The following LTBP1 variants were observed in gnomAD, a reference collection of about 807,000 sequenced individuals.
LTBP1 encodes latent-transforming growth factor beta-binding protein 1.
LTBP1 carries 129 observed loss-of-function variants against 207.6 expected under a neutral mutation model. The ratio of observed to expected loss-of-function variants is 0.62; its 90% CI spans 0.54 to 0.72. The LOEUF (loss-of-function observed/expected upper bound fraction) is 0.72, where lower values mean the gene tolerates loss of function less well. LTBP1 is among the 30% of genes least tolerant of loss of function. The probability of loss-of-function intolerance (pLI) is 0.00; values close to 1 mark genes in which losing one functional copy is unlikely to be tolerated. For synonymous variants in LTBP1, 963 were observed against 833.7 expected, an observed-to-expected ratio of 1.16 and a Z score of -2.67; for missense variants, 2,281 against 2,217.2, an observed-to-expected ratio of 1.03 and a Z score of -0.58.
chr2:33,247,805 A>G (rs138207484), intron 10 of LTBP1, among the ~76,000 whole-genome samples: 2 of 152,358 alleles, frequency 1.3e-5, no homozygotes, highest in East Asian at 3.9e-4. Context: ...ACATGTGGCT[A>G]GTGCCTAACA....
chr2:33,035,488 G>C (rs2075877723), intron 3 of LTBP1, among the ~76,000 whole-genome samples: 1 of 152,194 alleles, frequency 6.6e-6, no homozygotes, highest in Non-Finnish European at 1.5e-5. Flanking sequence ...GCTTGAAATG[G>C]GAGTGATGGT....
At chr2:33,377,572 T>C (rs1389724327) in intron 31 of LTBP1, among the ~76,000 whole-genome samples, 2 of 152,188 alleles carry the variant, frequency 1.3e-5, no homozygotes. Flanking sequence ...AAAATAAATT[T>C]CATTATGATA....
chr2:33,050,558 A>G (rs1158455190), intron 3 of LTBP1, among the ~76,000 whole-genome samples: 2 of 152,124 alleles, frequency 1.3e-5, no homozygotes, highest in African/African-American at 2.4e-5. Context: ...CTTTAAAAAA[A>G]ATAGGAGAGG....
chr2:33,020,198 T>C (rs2075094790), intron 2 of LTBP1, among the ~76,000 whole-genome samples: 1 of 152,204 alleles, frequency 6.6e-6, no homozygotes, highest in South Asian at 2.1e-4. Flanking sequence ...TCAACCTTTC[T>C]GCCCTTGGTT....
chr2:33,079,894 C>T (rs183061005), intron 3 of LTBP1, among the ~76,000 whole-genome samples: 40 of 152,202 alleles, frequency 2.6e-4, no homozygotes, highest in African/African-American at 8.2e-4. Flanking sequence ...CTTCTTTACT[C>T]CTTTTGACTT....
chr2:33,202,954 G>C (rs574332998), intron 7 of LTBP1, among the ~76,000 whole-genome samples: 6 of 152,352 alleles, frequency 3.9e-5, no homozygotes, highest in African/African-American at 1.4e-4. Flanking sequence ...TGGCTTCCTT[G>C]AGGTGGAATA....
intron 5 of LTBP1, among the ~76,000 whole-genome samples, chr2:33,168,589 G>A (rs1462769822): frequency 1.5e-4 from 23 of 152,118 alleles, no homozygotes; most frequent in Non-Finnish European, 2.5e-4. Context: ...CCCACCAGAG[G>A]CCAGGAGTCC....
intron 2 of LTBP1, among the ~76,000 whole-genome samples, chr2:32,956,879 G>A (rs971062181): frequency 1.3e-5 from 2 of 152,198 alleles, no homozygotes; most frequent in African/African-American, 2.4e-5. Flanking sequence ...TAGCAGGCAT[G>A]AAAATGACGT....
chr2:33,354,719 CACACA>C (rs1559058154), intron 26 of LTBP1, among the ~76,000 whole-genome samples: 8 of 145,840 alleles, frequency 5.5e-5, no homozygotes, highest in African/African-American at 2.0e-4. Flanking sequence ...CACACACACA[CACACA>C]CACACCATTG....
intron 12 of LTBP1, among the ~76,000 whole-genome samples, chr2:33,258,175 A>T (rs941579845): frequency 2.0e-5 from 3 of 152,244 alleles, no homozygotes; most frequent in Non-Finnish European, 2.9e-5. Context: ...TCTCTCTGGC[A>T]TTCAGGCTGT....
intron 5 of LTBP1, 139 bp downstream of exon 5, chr2:33,135,099 G>T: frequency 2.2e-6 from 2 of 901,064 alleles, no homozygotes; most frequent in South Asian, 2.2e-5. Context: ...TTCTTTCATG[G>T]GATCTTTTAA....
chr2:33,375,114 G>A (rs1340305425), intron 31 of LTBP1, among the ~76,000 whole-genome samples: 7 of 152,284 alleles, frequency 4.6e-5, no homozygotes, highest in South Asian at 2.1e-4. Flanking sequence ...AATGTGATCC[G>A]TATGTTAATT....
At chr2:33,191,721 A>T (rs1288081507) in intron 7 of LTBP1, among the ~76,000 whole-genome samples, 2 of 152,238 alleles carry the variant, frequency 1.3e-5, no homozygotes, top group Non-Finnish European at 2.9e-5. Flanking sequence ...CAGATAATCC[A>T]AAACAAAAAC....
intron 3 of LTBP1, among the ~76,000 whole-genome samples, chr2:33,097,095 T>C (rs2079440816): frequency 6.6e-6 from 1 of 152,230 alleles, no homozygotes; most frequent in African/African-American, 2.4e-5. Context: ...ACAGGTTCTA[T>C]AGAATCATAT....
chr2:33,363,942 C>G (rs376244543), intron 29 of LTBP1, among the ~76,000 whole-genome samples: 13 of 152,246 alleles, frequency 8.5e-5, no homozygotes, highest in East Asian at 7.7e-4. Context: ...TCATAAAGAG[C>G]CATTTAATCT....
chr2:33,323,346 A>G (rs1242179172), intron 24 of LTBP1, among the ~76,000 whole-genome samples: 1 of 152,142 alleles, frequency 6.6e-6, no homozygotes, highest in East Asian at 1.9e-4. Context: ...TTCATAAAGT[A>G]AAAAAATCGA....
chr2:32,951,711 GA>G lies in LTBP1; in HGVS notation c.565+2774del, dbSNP rs546879837. Among the ~76,000 whole-genome samples the G allele has an allele frequency of 5.3e-5, 8 of 151,908 alleles. No homozygotes were observed. In the East Asian group the frequency reaches 7.7e-4, roughly 15 times the overall value. On this transcript the variant is annotated intron_variant, in intron 2 of 33. Transcript: ENST00000404816. ...ATAGGATGGTTGCAGGTATTAAGAT[GA>G]AAAAAAATGGGTATGAAAGCCTTGG... is the stretch of plus-strand genomic sequence containing the variant.
rs1413969528 is a variant in LTBP1 at position 33,110,678 on chromosome 2, T to A, written c.960T>A (p.Ile320=). The stretch of plus-strand genomic sequence containing the variant: ...AGTACTTTCCAGCCCAGAAGGGGAT[T>A]TCAGGAGAGCAGTCCACTGAAGGTT... ...KPKYFPAQKG[I]SGEQSTEGSF... is the part of the protein sequence containing the mutation. Residue 320 remains isoleucine (I), a synonymous_variant, in exon 4 of 34, where the codon ATT becomes ATA. Coordinates refer to ENST00000404816, the MANE Select transcript of LTBP1 (RefSeq NM_206943.4). The A allele has an allele frequency of 6.2e-7, 1 of 1,614,206 alleles. No homozygotes were observed. Among genetic ancestry groups the A allele is most frequent in the South Asian group, 1.1e-5 (1 of 91,070 alleles).
chr2:32,971,779 T>C (rs533468836), intron 2 of LTBP1, among the ~76,000 whole-genome samples: 114 of 152,332 alleles, frequency 7.5e-4, no homozygotes, highest in African/African-American at 2.7e-3. Flanking sequence ...TTTGTGTGTC[T>C]CTGCCAAGTT....
Sources: gnomAD v4.1 joint callset for allele counts (sites outside exome capture counted in the v4.1 genomes callset) on GRCh38, gnomAD v4.1.1 for gene constraint, MANE v1.5 for transcripts, NCBI Gene and HGNC (gene_info 2026-07-23, HGNC 2026-07-21) for gene names.